MAML3: variants seen among roughly 807,000 people sequenced by gnomAD.
MAML3 encodes the protein mastermind like transcriptional coactivator 3.
MAML3 carries 27 observed loss-of-function variants against 101.9 expected under a neutral mutation model. The observed-to-expected ratio is 0.27, with a 90% confidence interval of 0.20 to 0.37. MAML3 has a LOEUF of 0.37. Ranked by LOEUF, MAML3 falls within the 10% of genes least tolerant of loss-of-function variation. The pLI is 1.00. For missense variants in MAML3, 1,316 were observed against 1,444.9 expected (o/e 0.91, Z 1.45); for synonymous variants, 501 against 555.9 (o/e 0.90, Z 1.39).
At chr4:139,983,977 A>G (rs528685128) in intron 1 of MAML3, among the ~76,000 whole-genome samples, 1 of 152,336 alleles carries the variant, frequency 6.6e-6, no homozygotes, top group Middle Eastern at 3.4e-3. Context: ...ATGGAGGATA[A>G]GATGGGAGAG....
intron 1 of MAML3, among the ~76,000 whole-genome samples, chr4:140,110,728 G>A (rs995712109): frequency 6.6e-6 from 1 of 152,148 alleles, no homozygotes; most frequent in African/African-American, 2.4e-5. Flanking sequence ...ATAACCCTCC[G>A]GGTGCAGGCA....
At chr4:139,737,358 GT>G (rs1728986666) in intron 2 of MAML3, among the ~76,000 whole-genome samples, 1 of 60,322 alleles carries the variant, frequency 1.7e-5, no homozygotes. Flanking sequence ...TAAGGAACTT[GT>G]CTGGTGGTGG....
intron 1 of MAML3, 139 bp downstream of exon 1, chr4:140,152,721 G>C (rs987301516): frequency 4.3e-5 from 61 of 1,408,194 alleles, no homozygotes; most frequent in Non-Finnish European, 5.1e-5. Context: ...AAAAGTTGAC[G>C]TTAACCCTTA....
chr4:139,755,168 T>C (rs1578584730), intron 2 of MAML3, among the ~76,000 whole-genome samples: 1 of 152,210 alleles, frequency 6.6e-6, no homozygotes, highest in African/African-American at 2.4e-5. Flanking sequence ...TGACAGCCGG[T>C]TTGCTGTTCC....
intron 2 of MAML3, among the ~76,000 whole-genome samples, chr4:139,736,864 C>A (rs2111010317): frequency 6.6e-6 from 1 of 152,312 alleles, no homozygotes; most frequent in African/African-American, 2.4e-5. Flanking sequence ...GCTGCACTTT[C>A]AAAAGCAAGT....
intron 1 of MAML3, among the ~76,000 whole-genome samples, chr4:139,995,349 A>G (rs757041721): frequency 2.6e-5 from 4 of 152,158 alleles, no homozygotes; most frequent in Non-Finnish European, 4.4e-5. Context: ...CATTCTTGTA[A>G]TATCATTGTC....
At chr4:139,986,947 T>C (rs1363622904) in intron 1 of MAML3, among the ~76,000 whole-genome samples, 1 of 152,182 alleles carries the variant, frequency 6.6e-6, no homozygotes, top group African/African-American at 2.4e-5. Flanking sequence ...TATTTCACCA[T>C]GGACAGTAAT....
intron 1 of MAML3, among the ~76,000 whole-genome samples, chr4:140,087,940 A>G (rs1229940067): frequency 6.6e-6 from 1 of 152,244 alleles, no homozygotes; most frequent in Non-Finnish European, 1.5e-5. Flanking sequence ...AATCAAGCAT[A>G]AATACTTGTT....
At chr4:139,853,405 G>A (rs1731594789) in intron 2 of MAML3, among the ~76,000 whole-genome samples, 2 of 152,216 alleles carry the variant, frequency 1.3e-5, no homozygotes, top group Admixed American at 6.5e-5. Flanking sequence ...AGTAGGGCAG[G>A]TGGGGGGCCT....
chr4:139,799,105 C>G (rs1036753920), intron 2 of MAML3, among the ~76,000 whole-genome samples: 1 of 152,166 alleles, frequency 6.6e-6, no homozygotes, highest in Non-Finnish European at 1.5e-5. Flanking sequence ...TAAGAGCATT[C>G]CAACTCTAGC....
intron 2 of MAML3, among the ~76,000 whole-genome samples, chr4:139,791,900 C>T (rs1326602128): frequency 6.6e-6 from 1 of 152,172 alleles, no homozygotes; most frequent in Non-Finnish European, 1.5e-5. Context: ...TGTTCCTTCC[C>T]AGAACAGCCC....
At chr4:140,064,193 C>T (rs1578665850) in intron 1 of MAML3, among the ~76,000 whole-genome samples, 1 of 152,156 alleles carries the variant, frequency 6.6e-6, no homozygotes, top group Non-Finnish European at 1.5e-5. Context: ...AAATTTCAAA[C>T]AATCCCCTTT....
chr4:139,829,967 G>C (rs1869717), intron 2 of MAML3, among the ~76,000 whole-genome samples: 20,202 of 152,180 alleles, frequency 0.13, 3,341 homozygotes, highest in African/African-American at 0.39. Context: ...ATGGAAGGAA[G>C]TGGCCATGTC....
intron 2 of MAML3, chr4:139,793,997 T>C (rs1225617918): frequency 6.6e-6 from 1 of 152,226 alleles, no homozygotes; most frequent in East Asian, 1.9e-4. Context: ...GTCAGGAAGT[T>C]CTCATGTACC....
chr4:139,743,854 G>C (rs1729236685), intron 2 of MAML3, among the ~76,000 whole-genome samples: 1 of 152,178 alleles, frequency 6.6e-6, no homozygotes, highest in Non-Finnish European at 1.5e-5. Context: ...AGAGAATTTT[G>C]AAGGAAAGAT....
intron 1 of MAML3, among the ~76,000 whole-genome samples, chr4:139,924,236 C>A (rs979845236): frequency 6.6e-6 from 1 of 152,182 alleles, no homozygotes; most frequent in African/African-American, 2.4e-5. Flanking sequence ...GAAGGAAATT[C>A]TATTCCAGTG....
intron 2 of MAML3, among the ~76,000 whole-genome samples, chr4:139,779,354 C>A (rs528406193): frequency 2.6e-5 from 4 of 152,152 alleles, no homozygotes; most frequent in Non-Finnish European, 5.9e-5. Flanking sequence ...AAAGTGTTAT[C>A]ATCAGGTGGC....
intron 1 of MAML3, among the ~76,000 whole-genome samples, chr4:140,120,687 CT>C (rs761562175): frequency 8.5e-4 from 129 of 151,708 alleles, no homozygotes; most frequent in African/African-American, 3.0e-3. Context: ...TCTCCTTAAT[CT>C]TTTTTTTTCC....
chr4:139,776,691 T>C (rs1048379565), intron 2 of MAML3, among the ~76,000 whole-genome samples: 1 of 152,118 alleles, frequency 6.6e-6, no homozygotes, highest in Non-Finnish European at 1.5e-5. Context: ...CAAAACTGGA[T>C]GGCAAAGCCT....
Sources: gnomAD v4.1 joint callset for allele counts (sites outside exome capture counted in the v4.1 genomes callset) on GRCh38, gnomAD v4.1.1 for gene constraint, MANE v1.5 for transcripts, NCBI Gene and HGNC (gene_info 2026-07-23, HGNC 2026-07-21) for gene names.